The following AXDND1 variants were observed in gnomAD, a reference collection of about 807,000 sequenced individuals.
AXDND1 encodes axonemal dynein light chain domain containing 1.
A neutral mutation model predicts 137.5 loss-of-function variants in AXDND1; 110 were observed. The observed-to-expected ratio is 0.80, with a 90% CI of 0.69 to 0.94. The LOEUF (loss-of-function observed/expected upper bound fraction) is 0.94, where lower values mean the gene tolerates loss of function less well. Among genes scored for constraint, AXDND1 ranks in the 40% least tolerant of loss-of-function variants. The pLI, the probability that AXDND1 is intolerant of heterozygous loss-of-function variation, is 0.00. For synonymous variants in AXDND1, 414 were observed against 399.7 expected (o/e 1.04, Z -0.43); for missense variants, 1,191 against 1,169.8 (o/e 1.02, Z -0.26).
At chr1:179,544,068 G>C (rs1672415871) in intron 25 of AXDND1, 1 of 152,600 alleles carries the variant, frequency 6.6e-6, no homozygotes, top group Non-Finnish European at 1.5e-5. Context: ...ACACACCCCA[G>C]ATATCACTGC....
chr1:179,412,777 A>T (rs1654090315), intron 12 of AXDND1, among the ~76,000 whole-genome samples: 1 of 152,030 alleles, frequency 6.6e-6, no homozygotes, highest in Admixed American at 6.6e-5. Context: ...TCTCTTTAAA[A>T]TTTTTTTTCC....
In AXDND1 at chr1:179,520,222, G is replaced by A. The variant is rs913703332; in HGVS notation, c.2497-5112G>A. On this transcript the variant is annotated intron_variant, in intron 21 of 25. Coordinates refer to ENST00000367618, the MANE Select transcript of AXDND1 (RefSeq NM_144696.6). ...ATGTATAGGGATGCTAGTGATTTTTGCATGCTGATTTTGTATACTGAGACT... is the reference window on the plus strand; with the variant it reads ...ATGTATAGGGATGCTAGTGATTTTTACATGCTGATTTTGTATACTGAGACT... Among the ~76,000 whole-genome samples, 5 of 152,088 alleles carry A rather than the reference G, an allele frequency of 3.3e-5. No individual in the cohort carries two copies. The South Asian group carries it at 8.3e-4, about 25-fold the overall frequency.
chr1:179,393,844 T>C (rs1650587238), intron 9 of AXDND1, 59 bp from the exon 10 acceptor site: 2 of 1,469,650 alleles, frequency 1.4e-6, no homozygotes, highest in Admixed American at 2.4e-5. Flanking sequence ...TTTTGTAACC[T>C]GAGAATTTAC....
chr1:179,456,050 T>C, intron 16 of AXDND1: 1 of 442,988 alleles, frequency 2.3e-6, no homozygotes, highest in Non-Finnish European at 4.4e-6. Context: ...TAGTCACAAA[T>C]AACAGTCCTC....
chr1:179,453,339 C>T (rs987664288), intron 16 of AXDND1: 1 of 152,434 alleles, frequency 6.6e-6, no homozygotes, highest in Admixed American at 6.5e-5. Flanking sequence ...TCACCATGCA[C>T]CTGGAAAAGC....
At chr1:179,447,152 G>A (rs1438461167) in intron 16 of AXDND1, among the ~76,000 whole-genome samples, 1 of 152,026 alleles carries the variant, frequency 6.6e-6, no homozygotes, top group Non-Finnish European at 1.5e-5. Context: ...TGAATACAGG[G>A]GTATATTTGT....
intron 2 of AXDND1, among the ~76,000 whole-genome samples, chr1:179,366,807 A>G (rs1241536535): frequency 6.6e-6 from 1 of 152,144 alleles, no homozygotes; most frequent in Non-Finnish European, 1.5e-5. Flanking sequence ...CCATCTAAAT[A>G]CAGTTTATAC....
intron 25 of AXDND1, among the ~76,000 whole-genome samples, chr1:179,538,884 G>A (rs879306918): frequency 0.046 from 6,988 of 152,194 alleles, 239 homozygotes; most frequent in Non-Finnish European, 0.07. Flanking sequence ...TCCTGTATTG[G>A]GTGCATATAT....
intron 19 of AXDND1, among the ~76,000 whole-genome samples, chr1:179,492,202 T>C (rs1666980732): frequency 6.6e-6 from 1 of 152,034 alleles, no homozygotes; most frequent in African/African-American, 2.4e-5. Flanking sequence ...GCCTCCTGAG[T>C]AGCTGGGATT....
chr1:179,503,053 C>T (rs1010172545), intron 20 of AXDND1, among the ~76,000 whole-genome samples: 2 of 150,836 alleles, frequency 1.3e-5, no homozygotes, highest in African/African-American at 4.9e-5. Flanking sequence ...TGAGATCGTG[C>T]CATTGCATTC....
chr1:179,535,441 T>C (rs1211690836), intron 25 of AXDND1, among the ~76,000 whole-genome samples: 1 of 152,192 alleles, frequency 6.6e-6, no homozygotes, highest in Admixed American at 6.5e-5. Flanking sequence ...TTCTCATTGT[T>C]CAACTCCCAC....
At chr1:179,525,208 C>G (rs1340410030) in intron 21 of AXDND1, 126 bp from the exon 22 acceptor site, 2 of 938,738 alleles carry the variant, frequency 2.1e-6, no homozygotes, top group African/African-American at 3.4e-5. Flanking sequence ...CTATTCTTAT[C>G]AACCTTTGTA....
At chr1:179,421,759 T>G (rs925850273) in intron 12 of AXDND1, among the ~76,000 whole-genome samples, 1 of 151,920 alleles carries the variant, frequency 6.6e-6, no homozygotes, top group East Asian at 1.9e-4. Context: ...ACTTTTCAGC[T>G]GGGCGCAGTG....
chr1:179,468,919 A>C (rs1237610164), intron 17 of AXDND1, among the ~76,000 whole-genome samples: 1 of 149,846 alleles, frequency 6.7e-6, no homozygotes, highest in African/African-American at 2.5e-5. Flanking sequence ...TGTTGATTGT[A>C]TTGTTATGAA....
At chr1:179,511,873 G>T (rs1438849824) in intron 21 of AXDND1, among the ~76,000 whole-genome samples, 1 of 151,702 alleles carries the variant, frequency 6.6e-6, no homozygotes, top group Non-Finnish European at 1.5e-5. Flanking sequence ...TTTGATAATT[G>T]TCTATTCATG....
chr1:179,420,526 A>G (rs1028700343), intron 12 of AXDND1, among the ~76,000 whole-genome samples: 1 of 152,194 alleles, frequency 6.6e-6, no homozygotes, highest in Admixed American at 6.5e-5. Flanking sequence ...TTCTTCTTCA[A>G]ATACTTGGTA....
chr1:179,512,744 A>G lies in AXDND1; in HGVS notation c.2496+3341A>G, dbSNP rs551847555. Among the ~76,000 whole-genome samples the G allele has an allele frequency of 1.1e-4, 17 of 152,084 alleles. No homozygotes were observed. The South Asian group carries it at 2.7e-3, about 24-fold the overall frequency. ...TATGTTGTCTATGATTTCTTTCAGCAGTGTTTGTAGTTTTCCTTATAGAGG... is the reference window on the plus strand; with the variant it reads ...TATGTTGTCTATGATTTCTTTCAGCGGTGTTTGTAGTTTTCCTTATAGAGG... On this transcript the variant is annotated intron_variant, in intron 21 of 25. Coordinates refer to ENST00000367618, the MANE Select transcript of AXDND1 (RefSeq NM_144696.6).
Position 179,552,964 on chromosome 1 carries a change from G to A in AXDND1, c.3032-1548G>A, listed in dbSNP as rs78465132. ...TTGATGAGCTGTGCTCAGTTTTTCC[G>A]CTTAGGATATAATCTAAGCCCCAAC... is the stretch of plus-strand genomic sequence containing the variant. On this transcript the variant is annotated intron_variant, in intron 25 of 25. Coordinates refer to ENST00000367618, the MANE Select transcript of AXDND1 (RefSeq NM_144696.6). Among the ~76,000 whole-genome samples, 2,088 of 152,234 alleles carry A rather than the reference G, an allele frequency of 0.014. 29 individuals are homozygous for A. The highest frequency in any genetic ancestry group is 0.021 in the Admixed American group (326 of 15,304).
intron 11 of AXDND1, among the ~76,000 whole-genome samples, chr1:179,402,887 G>A (rs912257438): frequency 1.3e-5 from 2 of 152,148 alleles, no homozygotes; most frequent in African/African-American, 4.8e-5. Context: ...TCTTCATATT[G>A]CTAAATCCAA....
Sources: allele counts gnomAD v4.1 joint callset (sites outside exome capture counted in the v4.1 genomes callset), GRCh38; gene constraint gnomAD v4.1.1; transcripts MANE v1.5; gene names NCBI Gene and HGNC (gene_info 2026-07-23, HGNC 2026-07-21).